Variants in IGSF22 observed in about 807,000 individuals in gnomAD.
The protein encoded by IGSF22 is immunoglobulin superfamily, member 22.
In IGSF22, 119 loss-of-function variants were observed where a neutral mutation model predicts 127.0. The observed-to-expected ratio is 0.94, with a 90% CI of 0.81 to 1.09. IGSF22 has a LOEUF of 1.09. Among genes scored for constraint, IGSF22 ranks in the 50% least tolerant of loss-of-function variants. The pLI, the probability that IGSF22 is intolerant of heterozygous loss-of-function variation, is 0.00. For synonymous variants in IGSF22, 568 were observed against 664.7 expected (o/e 0.85, Z 2.24); for missense variants, 1,518 against 1,716.6 (o/e 0.88, Z 2.04).
Position 18,715,463 on chromosome 11 carries a change from T to C in IGSF22, c.1500A>G (p.Glu500=). ...VVAMQDGDPT[E]YYSTAIVTVE... is the part of the protein sequence containing the mutation. ...CAGTGACGATGGCAGTACTGTAGTA[T>C]TCAGTAGGGTCTCCATCCTGCATGG... is the stretch of plus-strand genomic sequence containing the variant. Residue 500 remains glutamate (E), a synonymous_variant, in exon 11 of 23, where the codon GAA becomes GAG. Coordinates refer to ENST00000513874, the MANE Select transcript of IGSF22 (RefSeq NM_173588.4). The C allele has an allele frequency of 6.2e-7, 1 of 1,613,374 alleles. No individual in the cohort carries two copies. The highest frequency in any genetic ancestry group is 8.5e-7 in the Non-Finnish European group (1 of 1,179,926).
At chr11:18,721,792 C>A in intron 3 of IGSF22, 118 bp downstream of exon 3, 1 of 1,585,968 alleles carries the variant, frequency 6.3e-7, no homozygotes, top group Non-Finnish European at 8.6e-7. Context: ...GGGGAGGAAC[C>A]CTCGGCCAGG....
chr11:18,712,492 G>A (rs997265302), intron 14 of IGSF22, 108 bp from the exon 15 acceptor site: 2 of 1,015,722 alleles, frequency 2.0e-6, no homozygotes, highest in African/African-American at 3.3e-5. Flanking sequence ...TGGATTTTGA[G>A]CTTTTTGGAT....
chr11:18,711,995 T>C (rs1848365663), intron 15 of IGSF22, 87 bp downstream of exon 15: 2 of 1,120,554 alleles, frequency 1.8e-6, no homozygotes, highest in Non-Finnish European at 2.5e-6. Context: ...TCCTGTGGAA[T>C]TCCCCACAGA....
chr11:18,722,696 G>T (rs1848595457), intron 2 of IGSF22, among the ~76,000 whole-genome samples: 1 of 152,162 alleles, frequency 6.6e-6, no homozygotes. Flanking sequence ...CACAACAATT[G>T]CTCTGAATCA....
chr11:18,721,674 G>A lies in IGSF22; in HGVS notation c.242-3C>T. 1 of 1,614,210 alleles carries A rather than the reference G, an allele frequency of 6.2e-7. No homozygotes were observed. Among genetic ancestry groups the A allele is most frequent in the Non-Finnish European group, 8.5e-7 (1 of 1,180,046 alleles). On this transcript the variant is annotated splice_region_variant and splice_polypyrimidine_tract_variant and intron_variant, in intron 3 of 22. Transcript: ENST00000513874. Reference sequence around the variant, plus strand: ...GGCTCGGAACACGGCTTTGTCCCCTGCGATGAGCACAGGACGCGTTTTCGC... The same window carrying A: ...GGCTCGGAACACGGCTTTGTCCCCTACGATGAGCACAGGACGCGTTTTCGC...
In IGSF22 at chr11:18,710,819, C is replaced by T. The variant is rs1255497229; in HGVS notation, c.2408G>A (p.Gly803Asp). The part of the protein sequence containing the change: ...VFAGNPIEPP[G>D]FASQPQVTDV... ...AGTCACTTGAGGCTGGGAGGCAAAA[C>T]CAGGAGGCTCTGTGGGGGAAAGAGA... Residue 803 changes from glycine to aspartate, a missense_variant, in exon 16 of 23, where the codon GGT becomes GAT. Gly to Asp is a moderately conservative substitution (Grantham distance 94). This residue lies in a region of IGSF22 where 1,456 missense variants were observed against 1,644.9 expected (regional missense o/e 0.89). Coordinates refer to ENST00000513874, the MANE Select transcript of IGSF22 (RefSeq NM_173588.4). 1 of 1,612,362 alleles carries T rather than the reference C, an allele frequency of 6.2e-7. No individual in the cohort carries two copies. The highest frequency in any genetic ancestry group is 8.5e-7 in the Non-Finnish European group (1 of 1,178,496).
At chr11:18,712,646 C>T (rs1479584957) in intron 14 of IGSF22, among the ~76,000 whole-genome samples, 1 of 152,194 alleles carries the variant, frequency 6.6e-6, no homozygotes, top group Non-Finnish European at 1.5e-5. Flanking sequence ...ATCTCCCTGT[C>T]CCCTTCCAAA....
At chr11:18,704,826 G>A (rs1354164835) in intron 22 of IGSF22, 1 of 361,328 alleles carries the variant, frequency 2.8e-6, no homozygotes, top group Non-Finnish European at 5.3e-6. Flanking sequence ...GCTGGTCAGT[G>A]GCAGAGCCAG....
Position 18,712,366 on chromosome 11 carries a change from T to C in IGSF22, c.2114A>G (p.Gln705Arg). 4 of 1,551,152 alleles carry C rather than the reference T, an allele frequency of 2.6e-6. No individual in the cohort carries two copies. Among genetic ancestry groups the C allele is most frequent in the Non-Finnish European group, 3.5e-6 (4 of 1,146,590 alleles). ...GAGCTCCAGGAACTCCACCCGGCCC[T>C]GTGGAGGCTTTGGACGGTCTGGGGA... ...LSVLDRPKPPQGRVEFLELSG... is the reference protein window; with the variant it reads ...LSVLDRPKPPRGRVEFLELSG... The change falls in exon 15 of 23, where the codon CAG becomes CGG. Residue 705 changes from glutamine (Q) to arginine (R), a missense_variant. Around this residue, in one of 3 missense-constraint regions of IGSF22, gnomAD observed 1,456 missense variants for 1,644.9 expected, o/e 0.89. Transcript: ENST00000513874.
chr11:18,714,424 G>A lies in IGSF22; in HGVS notation c.1657-6C>T, dbSNP rs1429231685. On this transcript the variant is annotated splice_region_variant and splice_polypyrimidine_tract_variant and intron_variant, in intron 12 of 22. Transcript: ENST00000513874. ...ATGCCTGGCAAGTCCGTGATCTGGGGGTCAGGGGTGGGCCTGAGTGTGAGC... is the reference window on the plus strand; with the variant it reads ...ATGCCTGGCAAGTCCGTGATCTGGGAGTCAGGGGTGGGCCTGAGTGTGAGC... The A allele has an allele frequency of 6.2e-7, 1 of 1,614,020 alleles. No homozygotes were observed. The highest frequency in any genetic ancestry group is 1.3e-5 in the African/African-American group (1 of 75,058).
chr11:18,717,113 G>T, intron 9 of IGSF22, 113 bp from the exon 10 acceptor site: 1 of 1,183,734 alleles, frequency 8.4e-7, no homozygotes. Context: ...CTGGGGGAAA[G>T]CACCCTGCCT....
At chr11:18,705,792 A>C in intron 22 of IGSF22, 25 bp downstream of exon 22, 1 of 1,520,096 alleles carries the variant, frequency 6.6e-7, no homozygotes, top group Non-Finnish European at 8.8e-7. Context: ...CCCCTCCTCG[A>C]GGCCGGACCC....
In IGSF22 at chr11:18,714,135, G is replaced by A. The variant is rs776344525; in HGVS notation, c.1812C>T (p.Ile604=). ...ASVFIADPPT[I]DPSVLEALAA... is the part of the protein sequence containing the mutation. ...CCAGTGCCTCCAGTACTGACGGGTC[G>A]ATGGTAGGAGGATCTGTGGGGCGGG... Residue 604 remains isoleucine, a synonymous_variant, in exon 14 of 23, where the codon ATC becomes ATT. Transcript: ENST00000513874. 2.5e-6 allele frequency: 4 copies of A among 1,610,928 alleles called. No individual in the cohort carries two copies. Among genetic ancestry groups the A allele is most frequent in the East Asian group, 2.2e-5 (1 of 44,836 alleles).
chr11:18,708,907 T>C (rs928999547), intron 18 of IGSF22, among the ~76,000 whole-genome samples: 1 of 152,122 alleles, frequency 6.6e-6, no homozygotes, highest in African/African-American at 2.4e-5. Flanking sequence ...AGATTGGTGG[T>C]TGAGATGTCT....
At position 18,724,082 on chromosome 11, in the gene IGSF22, G is replaced by T. The variant is rs770507231; in HGVS notation, c.109+46C>A. The stretch of plus-strand genomic sequence containing the variant: ...CACCCAAGGGATGGGTGTGGAGGAA[G>T]AATAGCTGCCCTTCCCGATCCCTTC... On this transcript the variant is annotated intron_variant, in intron 2 of 22. Transcript: ENST00000513874. 5 of 1,492,644 alleles carry T rather than the reference G, an allele frequency of 3.3e-6. No individual in the cohort carries two copies. In the East Asian group the frequency reaches 9.1e-5, roughly 27 times the overall value. 92.5% of individuals were successfully genotyped at this position (1,492,644 alleles called of 1,614,324 possible). A position where few individuals can be genotyped will look rare whatever the true frequency, so the allele number is the denominator to read the frequency against.
intron 2 of IGSF22, among the ~76,000 whole-genome samples, chr11:18,723,857 C>T (rs1424255612): frequency 6.6e-6 from 1 of 152,244 alleles, no homozygotes; most frequent in East Asian, 1.9e-4. Context: ...TGATCTCCTT[C>T]AGCAATTAAG....
intron 9 of IGSF22, among the ~76,000 whole-genome samples, chr11:18,717,385 G>A (rs1417564962): frequency 3.3e-5 from 5 of 151,918 alleles, no homozygotes; most frequent in Admixed American, 1.3e-4. Flanking sequence ...GGCAGAAAGC[G>A]GGATTTGACC....
Position 18,710,673 on chromosome 11 carries a change from T to G in IGSF22, c.2554A>C (p.Asn852His), listed in dbSNP as rs2134160366. The change falls in exon 16 of 23, where the codon AAC becomes CAC. Residue 852 changes from asparagine to histidine, a missense_variant. Coordinates refer to ENST00000513874, the MANE Select transcript of IGSF22 (RefSeq NM_173588.4). ...ACCTCACCCTGGATGGGGTCCTTGT[T>G]GACTGGCACCCACAGGTTGCTGCCT... ...KKGSNLWVPV[N>H]KDPIQGTKCT... The G allele has an allele frequency of 6.2e-7, 1 of 1,612,862 alleles. No homozygotes were observed. The highest frequency in any genetic ancestry group is 2.2e-5 in the East Asian group (1 of 44,854).
chr11:18,712,950 G>C (rs1242713543), intron 14 of IGSF22, among the ~76,000 whole-genome samples: 1 of 152,104 alleles, frequency 6.6e-6, no homozygotes, highest in Non-Finnish European at 1.5e-5. Context: ...ATTCAGGCCA[G>C]CTCCTCTTCT....
Sources: gnomAD v4.1 joint callset for allele counts (sites outside exome capture counted in the v4.1 genomes callset) on GRCh38, gnomAD v4.1.1 for gene constraint, gnomAD v4.1.1 regional missense constraint, MANE v1.5 for transcripts, NCBI Gene and HGNC (gene_info 2026-07-23, HGNC 2026-07-21) for gene names.